Variants in ACE observed in about 807,000 individuals in gnomAD.
ACE encodes angiotensin I converting enzyme.
Under a neutral mutation model 162.3 loss-of-function variants are expected in ACE, and 122 were observed. The observed-to-expected ratio is 0.75, with a 90% CI of 0.65 to 0.87. The LOEUF is 0.87. Among genes scored for constraint, ACE ranks in the 40% least tolerant of loss-of-function variants. The pLI is 0.00. For missense variants in ACE, 1,799 were observed against 1,735.1 expected, an observed-to-expected ratio of 1.04 and a Z score of -0.65; for synonymous variants, 796 against 720.6, an observed-to-expected ratio of 1.10 and a Z score of -1.68.
intron 6 of ACE, 80 bp downstream of exon 6, chr17:63,481,268 G>A (rs2049705051): frequency 1.5e-6 from 2 of 1,364,454 alleles, no homozygotes; most frequent in Non-Finnish European, 2.1e-6. Flanking sequence ...GGGCACAGGG[G>A]CGGGAAGGTT....
At chr17:63,487,664 G>A (rs4335) in intron 15 of ACE, among the ~76,000 whole-genome samples, 85,889 of 151,796 alleles carry the variant, frequency 0.57, 25,509 homozygotes, top group African/African-American at 0.75. Context: ...TTCTTACCCC[G>A]GCCCGTTTGA....
At chr17:63,487,212 C>T in intron 15 of ACE, 139 bp downstream of exon 15, 1 of 740,158 alleles carries the variant, frequency 1.4e-6, no homozygotes, top group Non-Finnish European at 2.3e-6. Flanking sequence ...TTCTTGTTTT[C>T]CACGAGGGGG....
Position 63,483,570 on chromosome 17 carries a change from C to CCCCCCCACCCCCCCCCA in ACE, c.1586+14_1586+15insCCCCACCCCCCCCCACC. ...ACACCATACATCAGGTATTAGCGCC[C>CCCCCCCACCCCCCCCCA]CCACCCCACCCACCCCCAGTACTGT... On this transcript the variant is annotated intron_variant, in intron 10 of 24. Coordinates refer to ENST00000290866, the MANE Select transcript of ACE (RefSeq NM_000789.4). 1 of 803,466 alleles carries CCCCCCCACCCCCCCCCA rather than the reference C, an allele frequency of 1.2e-6. No individual in the cohort carries two copies. Among genetic ancestry groups the CCCCCCCACCCCCCCCCA allele is most frequent in the East Asian group, 4.6e-5 (1 of 21,908 alleles). 49.8% of individuals were successfully genotyped at this position (803,466 alleles called of 1,614,324 possible). A position where few individuals can be genotyped will look rare whatever the true frequency, so the allele number is the denominator to read the frequency against.
Position 63,496,392 on chromosome 17 carries a change from A to C in ACE, c.3381-2A>C. 6.2e-7 allele frequency: 1 copy of C among 1,614,160 alleles called. No individual in the cohort carries two copies. Among genetic ancestry groups the C allele is most frequent in the Non-Finnish European group, 8.5e-7 (1 of 1,180,010 alleles). ...CCGGGCCACGGCCTCGCTCTGCTCC[A>C]GGTACTTTGTCAGCTTCATCATCCA... On this transcript the variant is annotated splice_acceptor_variant, in intron 22 of 24. Transcript: ENST00000290866. LOFTEE classifies it high-confidence loss of function.
At chr17:63,477,439 C>T (rs2049635865) in intron 1 of ACE, 96 bp downstream of exon 1, 4 of 1,018,676 alleles carry the variant, frequency 3.9e-6, no homozygotes, top group Non-Finnish European at 4.8e-6. Flanking sequence ...GCGCCCCCGA[C>T]CCGAACCCCA....
intron 13 of ACE, chr17:63,485,772 C>CAAAA (rs781292581): frequency 1.1e-3 from 105 of 96,436 alleles, no homozygotes; most frequent in South Asian, 2.9e-3. Flanking sequence ...GAGACTCCAT[C>CAAAA]AAAAAAAAAA....
At chr17:63,493,901 C>G in intron 20 of ACE, 21 bp from the exon 21 acceptor site, 1 of 1,614,192 alleles carries the variant, frequency 6.2e-7, no homozygotes, top group East Asian at 2.2e-5. Flanking sequence ...GGTCTGACAG[C>G]TGGGCTCCCT....
In ACE at chr17:63,491,346, C is replaced by G. The variant is rs367799203; in HGVS notation, c.2877C>G (p.Ala959=). Residue 959 remains alanine (A), a synonymous_variant, in exon 19 of 25, where the codon GCC becomes GCG. Transcript: ENST00000290866. The surrounding 1 kb of genome is among the most constrained non-coding windows in gnomAD (Gnocchi z 4.4). ...PTDGREVVCH[A]SAWDFYNGKD... ...ACGGGCGGGAGGTGGTCTGCCACGC[C>G]TCGGCCTGGGACTTCTACAACGGCA... 5.0e-6 allele frequency: 8 copies of G among 1,614,038 alleles called. No individual in the cohort carries two copies. The highest frequency in any genetic ancestry group is 6.8e-6 in the Non-Finnish European group (8 of 1,180,052).
intron 3 of ACE, 128 bp from the exon 4 acceptor site, chr17:63,479,641 G>A (rs1379110825): frequency 7.6e-7 from 1 of 1,314,998 alleles, no homozygotes; most frequent in East Asian, 2.4e-5. Flanking sequence ...GGTGGCCCCT[G>A]TCTCTGGGGG....
In ACE at chr17:63,496,886, T is replaced by C. The variant is rs1257665286; in HGVS notation, c.3592T>C (p.Leu1198=). 2 of 1,613,712 alleles carry C rather than the reference T, an allele frequency of 1.2e-6. No individual in the cohort carries two copies. Among genetic ancestry groups the C allele is most frequent in the South Asian group, 2.2e-5 (2 of 91,082 alleles). The change falls in exon 24 of 25, where the codon TTG becomes CTG. Residue 1198 remains leucine, a synonymous_variant. Coordinates refer to ENST00000290866, the MANE Select transcript of ACE (RefSeq NM_000789.4). ...GQPNMSASAM[L]SYFKPLLDWL... Reference sequence around the variant, plus strand: ...GCCCAACATGAGCGCCTCGGCCATGTTGAGCTACTTCAAGCCGCTGCTGGA... The same window carrying C: ...GCCCAACATGAGCGCCTCGGCCATGCTGAGCTACTTCAAGCCGCTGCTGGA...
At chr17:63,486,828 A>G (rs1227313054) in intron 14 of ACE, 113 bp downstream of exon 14, 18 of 1,518,088 alleles carry the variant, frequency 1.2e-5, no homozygotes, top group Non-Finnish European at 1.6e-5. Flanking sequence ...AAGTCATGGC[A>G]TCTGCCATGC....
chr17:63,479,448 T>C (rs563139653), intron 3 of ACE, among the ~76,000 whole-genome samples: 20 of 152,136 alleles, frequency 1.3e-4, no homozygotes, highest in African/African-American at 4.8e-4. Flanking sequence ...TAAACCCCGC[T>C]CCAGCCCCCT....
Position 63,483,844 on chromosome 17 carries a change from T to C in ACE, c.1587-5T>C. 1 of 1,614,058 alleles carries C rather than the reference T, an allele frequency of 6.2e-7. No homozygotes were observed. Among genetic ancestry groups the C allele is most frequent in the Non-Finnish European group, 8.5e-7 (1 of 1,180,032 alleles). ...TCTTCCCTGACTCCCACCCTGTGCC[T>C]GCAGGTACTTTGTGAGTTTTGTCCT... is the stretch of plus-strand genomic sequence containing the variant. On this transcript the variant is annotated splice_region_variant and splice_polypyrimidine_tract_variant and intron_variant, in intron 10 of 24. Transcript: ENST00000290866.
In ACE at chr17:63,488,474, G is replaced by A. The variant is rs116105441; in HGVS notation, c.2306-174G>A. 915 of 342,600 alleles carry A rather than the reference G, an allele frequency of 2.7e-3. 49 individuals carry two copies. Among genetic ancestry groups the A allele is most frequent in the African/African-American group, 0.021 (821 of 39,202 alleles). The allele number at this position is 342,600 out of a possible 1,614,324, so 21.2% of individuals were successfully genotyped here. ...TGGCCCCAGGCCGGGGACTCTGTAA[G>A]CCACTGCTGGAGAGCCACTCCCATC... On this transcript the variant is annotated intron_variant, in intron 15 of 24. Transcript: ENST00000290866.
In ACE at chr17:63,484,288, G is replaced by T; in HGVS notation, c.1710-42G>T. 6.3e-7 allele frequency: 1 copy of T among 1,586,116 alleles called. No individual in the cohort carries two copies. Among genetic ancestry groups the T allele is most frequent in the Middle Eastern group, 2.3e-4 (1 of 4,404 alleles). On this transcript the variant is annotated intron_variant, in intron 11 of 24. Transcript: ENST00000290866. The surrounding 1 kb of genome is among the most constrained non-coding windows in gnomAD (Gnocchi z 4.0). ...GGCCGGGGTCCAGGAGCAGACTCCA[G>T]CCTGAGTCCCCTGTGCCCATGGTAC...
Position 63,496,408 on chromosome 17 carries a change from T to G in ACE, c.3395T>G (p.Phe1132Cys). Residue 1132 changes from phenylalanine to cysteine, a missense_variant, in exon 23 of 25, where the codon TTC (phenylalanine) becomes TGC (cysteine). Coordinates refer to ENST00000290866, the MANE Select transcript of ACE (RefSeq NM_000789.4). ...SVPYIRYFVS[F>C]IIQFQFHEAL... ...CTCTGCTCCAGGTACTTTGTCAGCT[T>G]CATCATCCAGTTCCAGTTCCACGAG... is the stretch of plus-strand genomic sequence containing the variant. The G allele has an allele frequency of 6.2e-7, 1 of 1,614,180 alleles. No homozygotes were observed.
intron 22 of ACE, chr17:63,496,187 G>T: frequency 1.5e-6 from 1 of 671,210 alleles, no homozygotes; most frequent in Non-Finnish European, 2.5e-6. Flanking sequence ...ATCTACACAG[G>T]CACGGCTAGG....
Position 63,487,056 on chromosome 17 carries a change from G to T in ACE, c.2288G>T (p.Cys763Phe). The stretch of plus-strand genomic sequence containing the variant: ...ACTGTGTGCCACCCGAATGGCAGCT[G>T]CCTGCAGCTCGAGCCAGGTGAGAGC... ...VATVCHPNGS[C>F]LQLEPDLTNV... Residue 763 changes from cysteine to phenylalanine, a missense_variant, in exon 15 of 25, where the codon TGC (cysteine) becomes TTC (phenylalanine). Physicochemically the swap from Cys to Phe is radical, Grantham distance 205. Transcript: ENST00000290866. 1 of 1,613,530 alleles carries T rather than the reference G, an allele frequency of 6.2e-7. No homozygotes were observed. The highest frequency in any genetic ancestry group is 8.5e-7 in the Non-Finnish European group (1 of 1,179,976).
At chr17:63,493,264 C>G (rs1343728345) in intron 19 of ACE, among the ~76,000 whole-genome samples, 172 bp from the exon 20 acceptor site, 1 of 152,186 alleles carries the variant, frequency 6.6e-6, no homozygotes. Flanking sequence ...CCCAGATTCC[C>G]TCTTACGCAC....
Sources: allele counts gnomAD v4.1 joint callset (sites outside exome capture counted in the v4.1 genomes callset), GRCh38; gene constraint gnomAD v4.1.1; non-coding constraint Gnocchi (gnomAD v3.1); transcripts MANE v1.5; gene names NCBI Gene and HGNC (gene_info 2026-07-23, HGNC 2026-07-21).